ELP4: variants seen among roughly 807,000 people sequenced by gnomAD.
ELP4 encodes elongator acetyltransferase complex subunit 4, also known as elongator complex protein 4.
ELP4 carries 51 observed loss-of-function variants against 48.9 expected under a neutral mutation model. The ratio of observed to expected loss-of-function variants is 1.04; its 90% confidence interval spans 0.83 to 1.32. ELP4 has a LOEUF of 1.32. ELP4 is among the 40% of genes most tolerant of loss of function. The pLI is 0.00. For synonymous variants in ELP4, 210 were observed against 189.2 expected (o/e 1.11, Z -0.90); for missense variants, 519 against 514.6 (o/e 1.01, Z -0.08).
chr11:31,688,232 G>A (rs1313898748), intron 9 of ELP4, among the ~76,000 whole-genome samples: 1 of 152,092 alleles, frequency 6.6e-6, no homozygotes, highest in Non-Finnish European at 1.5e-5. Context: ...TTATGCTAAT[G>A]CTGTTTATAT....
chr11:31,718,386 C>T (rs1592250244), intron 9 of ELP4, among the ~76,000 whole-genome samples: 1 of 152,262 alleles, frequency 6.6e-6, no homozygotes, highest in African/African-American at 2.4e-5. Flanking sequence ...TAAAAAAGGG[C>T]TATTCTGGTG....
chr11:31,525,518 T>A (rs1956282783), intron 2 of ELP4, among the ~76,000 whole-genome samples: 1 of 152,054 alleles, frequency 6.6e-6, no homozygotes, highest in Non-Finnish European at 1.5e-5. Context: ...AGAAAAAAAA[T>A]TGCTCATATG....
At chr11:31,561,657 T>C (rs1288558424) in intron 3 of ELP4, among the ~76,000 whole-genome samples, 1 of 152,164 alleles carries the variant, frequency 6.6e-6, no homozygotes, top group Non-Finnish European at 1.5e-5. Context: ...TTGGCCTGGC[T>C]GGTTTTGAAC....
At chr11:31,528,873 A>C (rs1956343377) in intron 2 of ELP4, among the ~76,000 whole-genome samples, 1 of 152,138 alleles carries the variant, frequency 6.6e-6, no homozygotes, top group Non-Finnish European at 1.5e-5. Flanking sequence ...CTAGAGAAAA[A>C]GATTTAGGAT....
intron 9 of ELP4, among the ~76,000 whole-genome samples, chr11:31,695,447 C>A (rs145325770): frequency 4.6e-5 from 7 of 151,630 alleles, no homozygotes; most frequent in Non-Finnish European, 1.0e-4. Flanking sequence ...TCTGTTTATA[C>A]GATGGATTAC....
intron 2 of ELP4, among the ~76,000 whole-genome samples, chr11:31,526,677 A>G (rs1206060757): frequency 6.6e-6 from 1 of 152,072 alleles, no homozygotes; most frequent in Non-Finnish European, 1.5e-5. Flanking sequence ...TCACAAATGC[A>G]GAGATATACT....
chr11:31,583,371 T>C (rs1957422126), intron 3 of ELP4, among the ~76,000 whole-genome samples: 1 of 152,228 alleles, frequency 6.6e-6, no homozygotes, highest in Non-Finnish European at 1.5e-5. Context: ...ACGTTTGTTG[T>C]AGCATTTTTG....
intron 9 of ELP4, among the ~76,000 whole-genome samples, chr11:31,666,304 C>T (rs1435860108): frequency 4.6e-5 from 7 of 152,112 alleles, no homozygotes; most frequent in Non-Finnish European, 8.8e-5. Flanking sequence ...CCACCACACC[C>T]AGCCTTCAGA....
chr11:31,588,707 G>A (rs866586812), intron 3 of ELP4, among the ~76,000 whole-genome samples: 12 of 152,276 alleles, frequency 7.9e-5, no homozygotes, highest in Middle Eastern at 3.4e-3. Flanking sequence ...TTAAGGTTGG[G>A]CACAGTGGCT....
At chr11:31,571,556 A>G (rs1957193719) in intron 3 of ELP4, among the ~76,000 whole-genome samples, 1 of 152,222 alleles carries the variant, frequency 6.6e-6, no homozygotes. Context: ...CAGCTAGAAT[A>G]GTAAATCTTC....
At chr11:31,644,110 C>T (rs1945153871) in intron 7 of ELP4, among the ~76,000 whole-genome samples, 1 of 151,620 alleles carries the variant, frequency 6.6e-6, no homozygotes, top group South Asian at 2.1e-4. Context: ...CACCCAGGAG[C>T]GCAGGGAGAT....
intron 9 of ELP4, among the ~76,000 whole-genome samples, chr11:31,673,577 C>T (rs937615348): frequency 1.3e-5 from 2 of 152,040 alleles, no homozygotes; most frequent in African/African-American, 4.8e-5. Flanking sequence ...AATCCTCCTC[C>T]CTCAGCCTCC....
intron 9 of ELP4, among the ~76,000 whole-genome samples, chr11:31,671,469 A>G (rs1945805396): frequency 6.6e-6 from 1 of 152,232 alleles, no homozygotes; most frequent in African/African-American, 2.4e-5. Flanking sequence ...AAAAGTAAAC[A>G]TCATGCATTA....
intron 3 of ELP4, among the ~76,000 whole-genome samples, chr11:31,565,631 A>G (rs1486238804): frequency 6.9e-6 from 1 of 145,232 alleles, no homozygotes; most frequent in Non-Finnish European, 1.5e-5. Context: ...TAAACAGAGA[A>G]TCCTTTCCCC....
intron 9 of ELP4, among the ~76,000 whole-genome samples, chr11:31,695,470 G>A (rs893571129): frequency 3.3e-5 from 5 of 151,666 alleles, no homozygotes; most frequent in Admixed American, 6.6e-5. Flanking sequence ...TTATTGATTC[G>A]CGTATGTTGA....
At chr11:31,704,114 G>T (rs1946580543) in intron 9 of ELP4, among the ~76,000 whole-genome samples, 1 of 151,840 alleles carries the variant, frequency 6.6e-6, no homozygotes, top group African/African-American at 2.4e-5. Flanking sequence ...TTAGTTTGCA[G>T]TGCAATTGTC....
intron 1 of ELP4, among the ~76,000 whole-genome samples, chr11:31,513,111 C>T (rs1257208701): frequency 1.3e-5 from 2 of 152,088 alleles, no homozygotes; most frequent in East Asian, 3.9e-4. Context: ...TAATGTGTAG[C>T]ATGGGATAAT....
chr11:31,716,345 G>A (rs1169465949), intron 9 of ELP4, among the ~76,000 whole-genome samples: 1 of 152,178 alleles, frequency 6.6e-6, no homozygotes, highest in African/African-American at 2.4e-5. Context: ...ATGAGTAGCA[G>A]TATAGTGTAG....
chr11:31,721,559 T>G (rs1946958874), intron 9 of ELP4, among the ~76,000 whole-genome samples: 2 of 152,192 alleles, frequency 1.3e-5, no homozygotes, highest in Non-Finnish European at 2.9e-5. Context: ...TGATGATGCT[T>G]CCTGACTGCT....
Sources: allele counts gnomAD v4.1 joint callset (sites outside exome capture counted in the v4.1 genomes callset), GRCh38; gene constraint gnomAD v4.1.1; transcripts MANE v1.5; gene names NCBI Gene and HGNC (gene_info 2026-07-23, HGNC 2026-07-21).